Variants in COL23A1 observed in about 807,000 individuals in gnomAD.
The protein encoded by COL23A1 is collagen alpha-1(XXIII) chain.
A neutral mutation model predicts 99.3 loss-of-function variants in COL23A1; 97 were observed. The ratio of observed to expected loss-of-function variants is 0.98; its 90% CI spans 0.83 to 1.16. The LOEUF is 1.16. Among genes scored for constraint, COL23A1 ranks in the 50% most tolerant of loss-of-function variants. The pLI is 0.00. For missense variants in COL23A1, 762 were observed against 757.4 expected (o/e 1.01, Z -0.07); for synonymous variants, 320 against 308.2 (o/e 1.04, Z -0.40).
intron 3 of COL23A1, among the ~76,000 whole-genome samples, chr5:178,290,994 C>T (rs930598390): frequency 9.2e-5 from 14 of 152,212 alleles, no homozygotes; most frequent in African/African-American, 3.1e-4. Flanking sequence ...TGCATTTGAC[C>T]TTCCCAACCA....
intron 2 of COL23A1, among the ~76,000 whole-genome samples, chr5:178,356,254 G>A (rs775380212): frequency 6.6e-6 from 1 of 152,154 alleles, no homozygotes; most frequent in South Asian, 2.1e-4. Flanking sequence ...TTAGGGTGAC[G>A]ATCATGGTCT....
rs911439081 is a variant in COL23A1 at position 178,491,165 on chromosome 5, GGAAA to G, written c.361+69513_361+69516del. On this transcript the variant is annotated intron_variant, in intron 2 of 28. Transcript: ENST00000390654. Reference sequence around the variant, plus strand: ...AGATAGGAGGAGAAGAGAGAGAAAGGGAAAGAGAGAGAAGAGAACGAGGAGGGGG... The same window carrying G: ...AGATAGGAGGAGAAGAGAGAGAAAGGGAGAGAGAAGAGAACGAGGAGGGGG... Among the ~76,000 whole-genome samples, 28 of 151,716 alleles carry G rather than the reference GGAAA, an allele frequency of 1.8e-4. No individual in the cohort carries two copies. In the Middle Eastern group the frequency reaches 0.01, roughly 55 times the overall value.
intron 1 of COL23A1, among the ~76,000 whole-genome samples, chr5:178,585,359 T>C (rs1451010060): frequency 6.8e-6 from 1 of 146,436 alleles, no homozygotes; most frequent in Non-Finnish European, 1.5e-5. Context: ...TAACACTCTA[T>C]GGCCCCAGCT....
At chr5:178,433,434 C>T (rs1489609914) in intron 2 of COL23A1, among the ~76,000 whole-genome samples, 1 of 152,198 alleles carries the variant, frequency 6.6e-6, no homozygotes, top group Non-Finnish European at 1.5e-5. Context: ...CGCCACCCTC[C>T]TAACACATGG....
chr5:178,511,449 A>G (rs1453967494), intron 2 of COL23A1, among the ~76,000 whole-genome samples: 1 of 152,174 alleles, frequency 6.6e-6, no homozygotes, highest in African/African-American at 2.4e-5. Context: ...TCTTTCCCCA[A>G]TCCCTGCTAA....
At chr5:178,448,076 G>GGTTAGGGTTTAGT (rs1767264954) in intron 2 of COL23A1, among the ~76,000 whole-genome samples, 1 of 152,180 alleles carries the variant, frequency 6.6e-6, no homozygotes, top group Non-Finnish European at 1.5e-5. Flanking sequence ...AGGTCATGAG[G>GGTTAGGGTTTAGT]GCTCTCCCCT....
chr5:178,433,798 G>A (rs979742532), intron 2 of COL23A1, among the ~76,000 whole-genome samples: 2 of 152,156 alleles, frequency 1.3e-5, no homozygotes, highest in African/African-American at 4.8e-5. Context: ...ACATATTGAC[G>A]TCTTAACCCC....
intron 2 of COL23A1, among the ~76,000 whole-genome samples, chr5:178,417,987 T>C (rs892123919): frequency 6.6e-6 from 1 of 152,244 alleles, no homozygotes; most frequent in Non-Finnish European, 1.5e-5. Flanking sequence ...CACTTCAGGA[T>C]GGGCCCTGAG....
intron 5 of COL23A1, among the ~76,000 whole-genome samples, chr5:178,279,924 G>C (rs932214620): frequency 6.6e-6 from 1 of 152,226 alleles, no homozygotes; most frequent in Non-Finnish European, 1.5e-5. Flanking sequence ...GCTGGAATTT[G>C]TGGGAGTTTT....
chr5:178,282,357 A>G (rs1346294663), intron 5 of COL23A1, among the ~76,000 whole-genome samples: 3 of 152,220 alleles, frequency 2.0e-5, no homozygotes, highest in African/African-American at 7.2e-5. Flanking sequence ...CAGGGGTGGA[A>G]TACAATAGTT....
chr5:178,339,589 C>T (rs1760538570), intron 2 of COL23A1, among the ~76,000 whole-genome samples: 1 of 152,206 alleles, frequency 6.6e-6, no homozygotes. Context: ...TCACAGCCAG[C>T]TAGCATGTGT....
At chr5:178,298,791 C>A (rs1757882115) in intron 3 of COL23A1, among the ~76,000 whole-genome samples, 1 of 152,232 alleles carries the variant, frequency 6.6e-6, no homozygotes, top group Non-Finnish European at 1.5e-5. Flanking sequence ...GAACTCCTGA[C>A]CTCAAGCGAT....
chr5:178,363,479 T>G (rs545244045), intron 2 of COL23A1, among the ~76,000 whole-genome samples: 1 of 152,238 alleles, frequency 6.6e-6, no homozygotes, highest in Non-Finnish European at 1.5e-5. Flanking sequence ...GGGTCAGTCA[T>G]AGTTCTAATT....
intron 2 of COL23A1, among the ~76,000 whole-genome samples, chr5:178,450,759 C>T (rs1265210678): frequency 6.6e-6 from 1 of 152,158 alleles, no homozygotes; most frequent in African/African-American, 2.4e-5. Flanking sequence ...TATTATCTCA[C>T]TTAATTCCTC....
rs2127604446 is a variant in COL23A1, at chr5:178,306,863, C to A, written c.406+12G>T. The A allele has an allele frequency of 2.0e-6, 3 of 1,513,750 alleles. No individual in the cohort carries two copies. The East Asian group carries it at 8.0e-5, about 40-fold the overall frequency. 93.8% of individuals were successfully genotyped at this position (1,513,750 alleles called of 1,614,324 possible). On this transcript the variant is annotated intron_variant, in intron 3 of 28. Transcript: ENST00000390654. This position sits in a 1 kb window ranked among gnomAD's most constrained non-coding sequence, Gnocchi z 4.1. ...AGCCTTGGCTTAGGAGCTGAGAAAA[C>A]CTGGGACTCACCAGGGTCGCCTCTT...
chr5:178,490,194 C>T (rs1255521421), intron 2 of COL23A1, among the ~76,000 whole-genome samples: 1 of 152,030 alleles, frequency 6.6e-6, no homozygotes, highest in East Asian at 1.9e-4. Context: ...CAACTGCACT[C>T]TAGCCTGGGC....
intron 2 of COL23A1, among the ~76,000 whole-genome samples, chr5:178,324,703 G>A (rs534805606): frequency 4.2e-4 from 64 of 152,350 alleles, no homozygotes; most frequent in Non-Finnish European, 8.5e-4. Flanking sequence ...CGCGCACCCA[G>A]CCTCAGGATT....
At chr5:178,562,038 G>A (rs922071662) in intron 1 of COL23A1, 6 of 527,376 alleles carry the variant, frequency 1.1e-5, no homozygotes, top group East Asian at 4.9e-5. Context: ...CGGTCAAAGT[G>A]TGTCTGGAGT....
intron 2 of COL23A1, among the ~76,000 whole-genome samples, chr5:178,538,239 C>T (rs1038238567): frequency 6.6e-6 from 1 of 152,222 alleles, no homozygotes; most frequent in East Asian, 1.9e-4. Flanking sequence ...TAGGCAGATT[C>T]CCGCAGAAGC....
Sources: gnomAD v4.1 joint callset for allele counts (sites outside exome capture counted in the v4.1 genomes callset) on GRCh38, gnomAD v4.1.1 for gene constraint, Gnocchi (gnomAD v3.1) non-coding constraint, MANE v1.5 for transcripts, NCBI Gene and HGNC (gene_info 2026-07-23, HGNC 2026-07-21) for gene names.